Variants in POC1B observed in about 807,000 individuals in gnomAD.
POC1B encodes POC1 centriolar protein homolog B.
POC1B carries 44 observed loss-of-function variants against 60.6 expected under a neutral mutation model. That is an observed-to-expected ratio of 0.73 (90% CI 0.57 to 0.93). POC1B has a LOEUF of 0.93. Among genes scored for constraint, POC1B ranks in the 40% least tolerant of loss-of-function variants. POC1B has a pLI of 0.00. For missense variants in POC1B, 555 were observed against 572.3 expected (o/e 0.97, Z 0.31); for synonymous variants, 180 against 198.9 (o/e 0.90, Z 0.80).
At chr12:89,488,640 C>A (rs374538479) in intron 4 of POC1B, among the ~76,000 whole-genome samples, 1 of 152,112 alleles carries the variant, frequency 6.6e-6, no homozygotes, top group Non-Finnish European at 1.5e-5. Context: ...GCACCTGCCA[C>A]CACGCCCAGC....
At chr12:89,487,044 C>T (rs1405512769) in intron 4 of POC1B, among the ~76,000 whole-genome samples, 2 of 152,098 alleles carry the variant, frequency 1.3e-5, no homozygotes, top group African/African-American at 4.8e-5. Context: ...GCTCTGCTCT[C>T]TTCTGAATTA....
intron 10 of POC1B, among the ~76,000 whole-genome samples, chr12:89,456,409 C>T (rs1001162597): frequency 6.6e-6 from 1 of 152,122 alleles, no homozygotes; most frequent in African/African-American, 2.4e-5. Context: ...TCCCGTGTAG[C>T]CACACCACAT....
At chr12:89,445,926 A>C (rs10858860) in intron 10 of POC1B, among the ~76,000 whole-genome samples, 1 of 151,994 alleles carries the variant, frequency 6.6e-6, no homozygotes, top group African/African-American at 2.4e-5. Context: ...AAACAACCCA[A>C]TCAAAAAATG....
intron 2 of POC1B, chr12:89,523,855 C>T: frequency 6.4e-7 from 1 of 1,555,524 alleles, no homozygotes; most frequent in Non-Finnish European, 8.6e-7. Context: ...ACCGGAATTA[C>T]ACTCACAGTG....
At chr12:89,459,860 T>A (rs967222484) in intron 9 of POC1B, 142 bp from the exon 10 acceptor site, 5 of 508,802 alleles carry the variant, frequency 9.8e-6, no homozygotes, top group Admixed American at 7.4e-5. Context: ...ATAAAAAAAA[T>A]TTTAAGCTAA....
At chr12:89,516,664 C>G (rs1453918535) in intron 2 of POC1B, among the ~76,000 whole-genome samples, 1 of 152,146 alleles carries the variant, frequency 6.6e-6, no homozygotes, top group Non-Finnish European at 1.5e-5. Flanking sequence ...TACCATAAAC[C>G]TGGAGGCATA....
At chr12:89,450,805 A>T (rs1002446963) in intron 10 of POC1B, among the ~76,000 whole-genome samples, 1 of 152,212 alleles carries the variant, frequency 6.6e-6, no homozygotes, top group Non-Finnish European at 1.5e-5. Context: ...CCTTGAATAG[A>T]AATCTTTGTA....
chr12:89,452,833 T>C (rs576736210), intron 10 of POC1B, among the ~76,000 whole-genome samples: 1 of 152,300 alleles, frequency 6.6e-6, no homozygotes, highest in African/African-American at 2.4e-5. Context: ...TAAAACACTT[T>C]AGCATTTTAG....
intron 2 of POC1B, chr12:89,500,468 A>C: frequency 6.4e-7 from 1 of 1,573,562 alleles, no homozygotes. Flanking sequence ...AACTGATGTT[A>C]GTTCCAAAAA....
chr12:89,478,533 G>C (rs1380811333), intron 4 of POC1B, among the ~76,000 whole-genome samples: 1 of 152,028 alleles, frequency 6.6e-6, no homozygotes, highest in Non-Finnish European at 1.5e-5. Flanking sequence ...CACAGTGCCT[G>C]GCACTGAGTA....
intron 10 of POC1B, among the ~76,000 whole-genome samples, chr12:89,451,265 C>CTAAA (rs753449521): frequency 3.0e-4 from 46 of 152,112 alleles, no homozygotes; most frequent in Non-Finnish European, 4.4e-4. Flanking sequence ...ACCATAAATA[C>CTAAA]TAAGGCCCAC....
chr12:89,520,550 C>T (rs1220596962), intron 2 of POC1B: 3 of 152,058 alleles, frequency 2.0e-5, no homozygotes, highest in Non-Finnish European at 4.4e-5. Context: ...GCATGCTGCA[C>T]GTGGAATCTG....
At chr12:89,425,072 G>T in intron 11 of POC1B, 89 bp downstream of exon 11, 1 of 1,334,234 alleles carries the variant, frequency 7.5e-7, no homozygotes, top group Non-Finnish European at 1.1e-6. Flanking sequence ...AATCTCCCCT[G>T]CTCTGCTAGT....
At chr12:89,423,631 T>C (rs969861044) in intron 11 of POC1B, among the ~76,000 whole-genome samples, 8 of 152,244 alleles carry the variant, frequency 5.3e-5, no homozygotes, top group African/African-American at 1.9e-4. Context: ...AAGTCATCTG[T>C]AATTAAAGTA....
downstream of POC1B, among the ~76,000 whole-genome samples, chr12:89,414,759 CTG>C (rs1270797109): frequency 6.6e-6 from 1 of 150,866 alleles, no homozygotes; most frequent in Non-Finnish European, 1.5e-5. Flanking sequence ...ATTAGAATAA[CTG>C]TTTTTTTTGT....
intron 2 of POC1B, among the ~76,000 whole-genome samples, chr12:89,498,451 T>TCTA (rs1258531007): frequency 1.3e-5 from 2 of 152,040 alleles, no homozygotes; most frequent in African/African-American, 4.8e-5. Context: ...GATTGTAGAG[T>TCTA]GCTTAGAAAA....
intron 4 of POC1B, among the ~76,000 whole-genome samples, chr12:89,489,067 G>A (rs989838480): frequency 5.9e-5 from 9 of 152,038 alleles, no homozygotes; most frequent in African/African-American, 1.2e-4. Context: ...ACCATCGTGC[G>A]TTATCTCCTT....
At chr12:89,430,528 C>G (rs1400278911) in intron 10 of POC1B, among the ~76,000 whole-genome samples, 1 of 152,178 alleles carries the variant, frequency 6.6e-6, no homozygotes, top group Non-Finnish European at 1.5e-5. Flanking sequence ...TGGTGCTCAA[C>G]TACGTGCGAA....
chr12:89,477,156 G>A (rs913522830), intron 4 of POC1B, among the ~76,000 whole-genome samples: 4 of 152,176 alleles, frequency 2.6e-5, no homozygotes, highest in Non-Finnish European at 5.9e-5. Flanking sequence ...TAAAAATTTG[G>A]CAGTCTCAGA....
Sources: gnomAD v4.1 joint callset for allele counts (sites outside exome capture counted in the v4.1 genomes callset) on GRCh38, gnomAD v4.1.1 for gene constraint, MANE v1.5 for transcripts, NCBI Gene and HGNC (gene_info 2026-07-23, HGNC 2026-07-21) for gene names.